ODAD2: variants seen among roughly 807,000 people sequenced by gnomAD.
ODAD2 encodes the protein outer dynein arm docking complex subunit 2.
A neutral mutation model predicts 106.8 loss-of-function variants in ODAD2; 89 were observed. The observed-to-expected ratio is 0.83, with a 90% CI of 0.70 to 0.99. The LOEUF (loss-of-function observed/expected upper bound fraction) is 0.99. Ranked by LOEUF, ODAD2 falls within the 50% of genes least tolerant of loss-of-function variation. The probability of loss-of-function intolerance (pLI) is 0.00; values close to 1 mark genes in which losing one functional copy is unlikely to be tolerated. For synonymous variants in ODAD2, 404 were observed against 436.2 expected (o/e 0.93, Z 0.92); for missense variants, 1,168 against 1,238.5 (o/e 0.94, Z 0.85).
At chr10:27,868,800 C>T (rs1347923796) in intron 17 of ODAD2, among the ~76,000 whole-genome samples, 1 of 151,246 alleles carries the variant, frequency 6.6e-6, no homozygotes, top group Admixed American at 6.6e-5. Flanking sequence ...ATGTAACAAA[C>T]CTGCACATTC....
At position 27,995,214 on chromosome 10, in the gene ODAD2, C is replaced by T; in HGVS notation, c.-38-34G>A. 5.8e-6 allele frequency: 9 copies of T among 1,561,558 alleles called. No individual in the cohort carries two copies. In the East Asian group the frequency reaches 9.1e-5, roughly 16 times the overall value. ...GAGCAGAAAGAGAAAGAGACAACAG[C>T]GTCCACCTTTTCCTTGGAACATTTT... On this transcript the variant is annotated intron_variant, in intron 1 of 19. Transcript: ENST00000305242.
At chr10:27,984,452 G>C (rs1463539277) in intron 4 of ODAD2, among the ~76,000 whole-genome samples, 162 bp from the exon 5 acceptor site, 2 of 152,116 alleles carry the variant, frequency 1.3e-5, no homozygotes, top group East Asian at 1.9e-4. Context: ...AACACATCAA[G>C]TAATTAGTGA....
Position 27,832,979 on chromosome 10 carries a change from T to C in ODAD2, c.3022-20354A>G, listed in dbSNP as rs534059255. On this transcript the variant is annotated intron_variant, in intron 19 of 19. Transcript: ENST00000305242. ...ATATATGAGGAAAGCATCAGTGCAA[T>C]ATGGCTTTTCCAACTTGGCAGGGGC... Among the ~76,000 whole-genome samples the C allele has an allele frequency of 1.5e-3, 224 of 152,312 alleles. 1 individual carries two copies. Among genetic ancestry groups the C allele is most frequent in the Non-Finnish European group, 2.7e-3 (187 of 68,030 alleles).
At chr10:27,954,829 C>T (rs115716475) in intron 10 of ODAD2, among the ~76,000 whole-genome samples, 1,826 of 152,292 alleles carry the variant, frequency 0.012, 37 homozygotes, top group African/African-American at 0.042. Context: ...ACGACAAATT[C>T]TTTTGTGGGC....
chr10:27,959,052 C>T, intron 10 of ODAD2: 5 of 1,275,432 alleles, frequency 3.9e-6, no homozygotes, highest in East Asian at 5.6e-5. Context: ...AAGACTATGT[C>T]TTGGACGGGC....
At chr10:27,840,790 C>A (rs1280317668) in intron 19 of ODAD2, among the ~76,000 whole-genome samples, 1 of 152,184 alleles carries the variant, frequency 6.6e-6, no homozygotes, top group Non-Finnish European at 1.5e-5. Flanking sequence ...TAGGGCTCTG[C>A]TGCTTTCTTG....
intron 17 of ODAD2, among the ~76,000 whole-genome samples, chr10:27,877,268 G>A (rs549163221): frequency 1.6e-4 from 24 of 152,242 alleles, no homozygotes; most frequent in Middle Eastern, 3.4e-3. Context: ...TTCATCAGTA[G>A]AGACAATCAG....
intron 17 of ODAD2, among the ~76,000 whole-genome samples, chr10:27,864,502 G>A (rs957593138): frequency 6.6e-6 from 1 of 150,546 alleles, no homozygotes; most frequent in African/African-American, 2.4e-5. Flanking sequence ...GGAGTGAAGT[G>A]AGAGTGGAGA....
chr10:27,978,676 C>T (rs1849343410), intron 7 of ODAD2, among the ~76,000 whole-genome samples: 1 of 151,956 alleles, frequency 6.6e-6, no homozygotes, highest in Admixed American at 6.6e-5. Flanking sequence ...CCTGGAATCC[C>T]AGCTACTATG....
At chr10:27,883,952 C>A (rs960065576) in intron 17 of ODAD2, among the ~76,000 whole-genome samples, 2 of 150,798 alleles carry the variant, frequency 1.3e-5, no homozygotes, top group Non-Finnish European at 2.9e-5. Flanking sequence ...AGTATGCCAA[C>A]ATACACATAT....
chr10:27,884,233 T>C (rs1589915276), intron 17 of ODAD2, among the ~76,000 whole-genome samples: 2 of 152,086 alleles, frequency 1.3e-5, no homozygotes, highest in South Asian at 4.2e-4. Flanking sequence ...TCAGAAAGTG[T>C]AGAGATGTTA....
chr10:27,981,042 A>G (rs1256528592), intron 7 of ODAD2, among the ~76,000 whole-genome samples: 1 of 152,146 alleles, frequency 6.6e-6, no homozygotes, highest in African/African-American at 2.4e-5. Flanking sequence ...AGCCTTGAAA[A>G]CACTATGCTA....
intron 9 of ODAD2, among the ~76,000 whole-genome samples, chr10:27,967,634 T>C (rs1001880166): frequency 1.3e-5 from 2 of 152,166 alleles, no homozygotes; most frequent in Admixed American, 1.3e-4. Context: ...CTCACATCTG[T>C]AATCCCAGCA....
rs1835804785 is a variant in ODAD2, at chr10:27,812,332, CAA to C, written c.*178_*179del. The C allele has an allele frequency of 1.0e-5, 6 of 583,658 alleles. No homozygotes were observed. Among genetic ancestry groups the C allele is most frequent in the Non-Finnish European group, 1.4e-5 (5 of 346,484 alleles). The allele number at this position is 583,658 out of a possible 1,614,324, so 36.2% of individuals were successfully genotyped here. On this transcript the variant is annotated 3_prime_UTR_variant, in exon 20 of 20. Transcript: ENST00000305242. Reference sequence around the variant, plus strand: ...ATATCTCGAAAACATTAAATAGAAACAAAAGTCTCCATGCAATTTTCAGATGA... The same window carrying C: ...ATATCTCGAAAACATTAAATAGAAACAAGTCTCCATGCAATTTTCAGATGA...
At chr10:27,961,530 A>G (rs983695052) in intron 10 of ODAD2, 38 bp downstream of exon 10, 2 of 1,557,480 alleles carry the variant, frequency 1.3e-6, no homozygotes, top group African/African-American at 2.8e-5. Context: ...AGTATTTTAA[A>G]TGAACATTGC....
At position 27,971,303 on chromosome 10, in the gene ODAD2, A is replaced by C; in HGVS notation, c.947T>G (p.Phe316Cys). ...SENMSKLGISFSEDQQKEKDQ... is the reference protein window; with the variant it reads ...SENMSKLGISCSEDQQKEKDQ... ...CTTTTCCTTTTGCTGGTCTTCACTG[A>C]AGCTAATTCCCTTTATTTAAAAAAT... Residue 316 changes from phenylalanine to cysteine, a missense_variant, in exon 8 of 20, where the codon TTC becomes TGC. Physicochemically the swap from Phe to Cys is radical, Grantham distance 205. Coordinates refer to ENST00000305242, the MANE Select transcript of ODAD2 (RefSeq NM_018076.5). The C allele has an allele frequency of 6.3e-7, 1 of 1,592,674 alleles. No homozygotes were observed.
intron 10 of ODAD2, among the ~76,000 whole-genome samples, chr10:27,946,943 G>C (rs560061882): frequency 1.3e-5 from 2 of 152,208 alleles, no homozygotes; most frequent in African/African-American, 4.8e-5. Context: ...CTCAACAACT[G>C]TCCCGTGAAG....
At chr10:27,875,255 T>C (rs976505128) in intron 17 of ODAD2, among the ~76,000 whole-genome samples, 1 of 152,204 alleles carries the variant, frequency 6.6e-6, no homozygotes, top group Non-Finnish European at 1.5e-5. Context: ...TAGCCCTTCA[T>C]CTAATCTTTT....
intron 2 of ODAD2, among the ~76,000 whole-genome samples, chr10:27,990,594 T>G (rs1850168660): frequency 6.6e-6 from 1 of 152,236 alleles, no homozygotes; most frequent in East Asian, 1.9e-4. Context: ...GTAACAAAAC[T>G]TATGGCCACT....
Sources: allele counts gnomAD v4.1 joint callset (sites outside exome capture counted in the v4.1 genomes callset), GRCh38; gene constraint gnomAD v4.1.1; transcripts MANE v1.5; gene names NCBI Gene and HGNC (gene_info 2026-07-23, HGNC 2026-07-21).